The following SFMBT1 variants were observed in gnomAD, a reference collection of about 807,000 sequenced individuals.
SFMBT1 encodes the protein Scm like with four mbt domains 1, also known as scm-like with four MBT domains protein 1.
SFMBT1 carries 32 observed loss-of-function variants against 108.7 expected under a neutral mutation model. That is an observed-to-expected ratio of 0.29 (90% CI 0.22 to 0.40). The LOEUF (loss-of-function observed/expected upper bound fraction) is 0.40. SFMBT1 is among the 10% of genes least tolerant of loss of function. SFMBT1 has a pLI of 1.00. For synonymous variants in SFMBT1, 348 were observed against 369.5 expected (o/e 0.94, Z 0.67); for missense variants, 816 against 1,059.6 (o/e 0.77, Z 3.19).
intron 2 of SFMBT1, among the ~76,000 whole-genome samples, chr3:52,954,741 T>C (rs1489580270): frequency 3.3e-5 from 5 of 152,186 alleles, no homozygotes; most frequent in Non-Finnish European, 5.9e-5. Flanking sequence ...TGAAATTTAG[T>C]ATTCTAATGT....
At chr3:52,919,425 A>C (rs780501626) in intron 12 of SFMBT1, among the ~76,000 whole-genome samples, 11 of 152,252 alleles carry the variant, frequency 7.2e-5, no homozygotes, top group Non-Finnish European at 1.6e-4. Context: ...AGCCAGTCAC[A>C]CAAGACCATG....
chr3:52,911,397 A>ATTAGCAAAAT (rs1378723250), intron 16 of SFMBT1, among the ~76,000 whole-genome samples: 2 of 152,264 alleles, frequency 1.3e-5, no homozygotes, highest in Admixed American at 6.5e-5. Context: ...AGTTATTTAA[A>ATTAGCAAAAT]TTAGCAAAAT....
At chr3:52,931,098 A>G in intron 6 of SFMBT1, 63 bp from the exon 7 acceptor site, 3 of 1,461,972 alleles carry the variant, frequency 2.1e-6, no homozygotes, top group Non-Finnish European at 2.9e-6. Flanking sequence ...ACCTGTCCTG[A>G]AAGCATTCAC....
At chr3:52,913,674 A>C in intron 14 of SFMBT1, 57 bp from the exon 15 acceptor site, 1 of 1,578,886 alleles carries the variant, frequency 6.3e-7, no homozygotes. Flanking sequence ...CCACGTTTCC[A>C]AAGCTGAACT....
intron 1 of SFMBT1, among the ~76,000 whole-genome samples, chr3:52,979,931 C>G (rs918071179): frequency 3.3e-5 from 5 of 152,040 alleles, no homozygotes; most frequent in African/African-American, 1.2e-4. Context: ...CTACATGGGT[C>G]CACTTACAGA....
chr3:52,927,760 A>AG (rs1304711484), intron 9 of SFMBT1, among the ~76,000 whole-genome samples: 1 of 152,218 alleles, frequency 6.6e-6, no homozygotes, highest in Non-Finnish European at 1.5e-5. Context: ...GACAAGGCTC[A>AG]GACACCTAAA....
chr3:52,930,227 A>G (rs1053942545), intron 8 of SFMBT1, 102 bp downstream of exon 8: 29 of 736,584 alleles, frequency 3.9e-5, no homozygotes, highest in Non-Finnish European at 6.0e-5. Flanking sequence ...CTAGAAGGAA[A>G]AATGGGTTGG....
intron 4 of SFMBT1, among the ~76,000 whole-genome samples, chr3:52,938,351 A>G (rs1703084768): frequency 6.6e-6 from 1 of 152,120 alleles, no homozygotes; most frequent in South Asian, 2.1e-4. Flanking sequence ...GTGTATATGT[A>G]GTTTTTTTTA....
At chr3:53,042,362 GAC>G in intron 1 of SFMBT1, among the ~76,000 whole-genome samples, 1 of 152,288 alleles carries the variant, frequency 6.6e-6, no homozygotes, top group Admixed American at 6.5e-5. Context: ...TGTTTTTTGA[GAC>G]AGTGTCACTC....
At chr3:52,930,614 A>G (rs1702826382) in intron 7 of SFMBT1, among the ~76,000 whole-genome samples, 184 bp from the exon 8 acceptor site, 1 of 150,296 alleles carries the variant, frequency 6.7e-6, no homozygotes, top group Non-Finnish European at 1.5e-5. Flanking sequence ...AGGAAAAAAC[A>G]AAACACACAG....
chr3:53,025,490 G>A (rs926883963), intron 1 of SFMBT1, among the ~76,000 whole-genome samples: 2 of 152,010 alleles, frequency 1.3e-5, no homozygotes, highest in East Asian at 1.9e-4. Flanking sequence ...GGTGGCACAC[G>A]CTTATGGTCC....
Position 52,990,055 on chromosome 3 carries a change from T to C in SFMBT1, c.-130-20797A>G, listed in dbSNP as rs137955028. On this transcript the variant is annotated intron_variant, in intron 1 of 20. Transcript: ENST00000394752. ...TATATTCCAAAGGCTAGTTGTCTTT[T>C]AGGATTTTTCTTGGGAGGGGTTGTT... 4.4e-3 allele frequency among the ~76,000 whole-genome samples: 672 copies of C among 152,334 alleles called. 3 individuals carry two copies. Among genetic ancestry groups the C allele is most frequent in the Non-Finnish European group, 6.8e-3 (462 of 68,042 alleles).
At position 52,907,306 on chromosome 3, in the gene SFMBT1, C is replaced by G; in HGVS notation, c.2094G>C (p.Gly698=). 6.2e-7 allele frequency: 1 copy of G among 1,612,242 alleles called. No individual in the cohort carries two copies. Among genetic ancestry groups the G allele is most frequent in the Non-Finnish European group, 8.5e-7 (1 of 1,179,220 alleles). Reference sequence around the variant, plus strand: ...CATCTGGGTCATCCTCATCTTCACCCCCACTTCCCTGCAGGAAAAGGAGAG... The same window carrying G: ...CATCTGGGTCATCCTCATCTTCACCGCCACTTCCCTGCAGGAAAAGGAGAG... ...NTPAGSPQGS[G]GEDEDDPDEG... Residue 698 remains glycine (G), a synonymous_variant, in exon 19 of 21, where the codon GGG becomes GGC. Transcript: ENST00000394752.
At chr3:53,042,789 C>T (rs1397195557) in intron 1 of SFMBT1, among the ~76,000 whole-genome samples, 2 of 151,916 alleles carry the variant, frequency 1.3e-5, no homozygotes, top group African/African-American at 4.9e-5. Flanking sequence ...ACAATCTGAT[C>T]ACATAAAAGT....
intron 1 of SFMBT1, among the ~76,000 whole-genome samples, chr3:53,006,644 A>G (rs1698754294): frequency 6.6e-6 from 1 of 151,812 alleles, no homozygotes; most frequent in Non-Finnish European, 1.5e-5. Flanking sequence ...AAAAAAAAGT[A>G]TACAGGAGGA....
intron 1 of SFMBT1, among the ~76,000 whole-genome samples, chr3:52,999,186 C>T (rs1329335030): frequency 6.6e-6 from 1 of 150,860 alleles, no homozygotes; most frequent in African/African-American, 2.4e-5. Context: ...AAGGGCCAGC[C>T]GGGCAGCCCA....
rs747597121 is a variant in SFMBT1, at chr3:52,912,696, G to C, written c.1621-49C>G. On this transcript the variant is annotated intron_variant, in intron 15 of 20. Transcript: ENST00000394752. ...ACACAGATTGGGAAGGAGAAAAGCA[G>C]ACCATTAGAATCTTGTCATCTCTTC... 6 of 1,366,370 alleles carry C rather than the reference G, an allele frequency of 4.4e-6. No homozygotes were observed. In the South Asian group the frequency reaches 7.0e-5, roughly 16 times the overall value. 84.6% of individuals were successfully genotyped at this position (1,366,370 alleles called of 1,614,324 possible).
intron 1 of SFMBT1, among the ~76,000 whole-genome samples, chr3:53,009,302 C>T (rs1003521641): frequency 6.6e-6 from 1 of 151,472 alleles, no homozygotes; most frequent in African/African-American, 2.4e-5. Context: ...AAAAATTAGC[C>T]CAGTGCATGG....
At chr3:52,905,967 T>C (rs2106755209) in intron 20 of SFMBT1, 146 bp downstream of exon 20, 1 of 891,778 alleles carries the variant, frequency 1.1e-6, no homozygotes, top group East Asian at 2.7e-5. Context: ...TTTTATCATC[T>C]TTGACTCCTA....
Sources: gnomAD v4.1 joint callset for allele counts (sites outside exome capture counted in the v4.1 genomes callset) on GRCh38, gnomAD v4.1.1 for gene constraint, MANE v1.5 for transcripts, NCBI Gene and HGNC (gene_info 2026-07-23, HGNC 2026-07-21) for gene names.